RIMS4: variants seen among roughly 807,000 people sequenced by gnomAD.
RIMS4 encodes regulating synaptic membrane exocytosis 4, also known as regulating synaptic membrane exocytosis protein 4.
RIMS4 carries 9 observed loss-of-function variants against 29.0 expected under a neutral mutation model. The ratio of observed to expected loss-of-function variants is 0.31; its 90% CI spans 0.19 to 0.54. RIMS4 has a LOEUF of 0.54. Among genes scored for constraint, RIMS4 ranks in the 20% least tolerant of loss-of-function variants. RIMS4 has a pLI of 0.94. For synonymous variants in RIMS4, 130 were observed against 152.9 expected (o/e 0.85, Z 1.10); for missense variants, 193 against 365.7 (o/e 0.53, Z 3.85).
rs778166180 is a variant in RIMS4, at chr20:44,771,319, G to A, written c.192C>T (p.His64=). The A allele has an allele frequency of 2.4e-5, 39 of 1,613,820 alleles. No individual in the cohort carries two copies. The highest frequency in any genetic ancestry group is 4.5e-5 in the East Asian group (2 of 44,884). ...MPSRTLRQAS[H]ESIEDSMNSY... Reference sequence around the variant, plus strand: ...TGTTCATGCTGTCCTCAATGGACTCGTGGCTGGCCTGGCGCAGTGTCCGGC... The same window carrying A: ...TGTTCATGCTGTCCTCAATGGACTCATGGCTGGCCTGGCGCAGTGTCCGGC... Residue 64 remains histidine, a synonymous_variant, in exon 2 of 6, where the codon CAC becomes CAT. Coordinates refer to ENST00000372851, the MANE Select transcript of RIMS4 (RefSeq NM_182970.4).
At chr20:44,759,284 C>T (rs781037014) in intron 2 of RIMS4, among the ~76,000 whole-genome samples, 3 of 152,004 alleles carry the variant, frequency 2.0e-5, no homozygotes, top group Non-Finnish European at 4.4e-5. Context: ...GAGTTTCCCT[C>T]TGTTGCCCAG....
Position 44,756,400 on chromosome 20 carries a change from C to G in RIMS4, c.592-48G>C, listed in dbSNP as rs80024793. On this transcript the variant is annotated intron_variant, in intron 5 of 5. Transcript: ENST00000372851. This position sits in a 1 kb window ranked among gnomAD's most constrained non-coding sequence, Gnocchi z 5.9. The stretch of plus-strand genomic sequence containing the variant: ...GTTCAAATCCTGCCAGTGCCACTCA[C>G]AGGCCCAGAAGCAGAACCTGGGTCG... 296 of 1,545,108 alleles carry G rather than the reference C, an allele frequency of 1.9e-4. No homozygotes were observed. The African/African-American group carries it at 3.8e-3, about 20-fold the overall frequency.
chr20:44,805,876 T>C (rs1203996869), intron 1 of RIMS4, among the ~76,000 whole-genome samples: 2 of 151,882 alleles, frequency 1.3e-5, no homozygotes, highest in Non-Finnish European at 2.9e-5. Context: ...CGGCAGGATA[T>C]GGGTATCGCC....
At chr20:44,783,006 T>G (rs186983826) in intron 1 of RIMS4, among the ~76,000 whole-genome samples, 30 of 152,312 alleles carry the variant, frequency 2.0e-4, no homozygotes, top group African/African-American at 6.3e-4. Flanking sequence ...ACTGTCACAG[T>G]AAGATACAGG....
chr20:44,783,960 T>G (rs1419329875), intron 1 of RIMS4, among the ~76,000 whole-genome samples: 1 of 152,212 alleles, frequency 6.6e-6, no homozygotes, highest in Non-Finnish European at 1.5e-5. Context: ...TTTAAACTAG[T>G]AAACTGTATG....
At chr20:44,766,099 T>C (rs957353268) in intron 2 of RIMS4, among the ~76,000 whole-genome samples, 1 of 152,084 alleles carries the variant, frequency 6.6e-6, no homozygotes, top group Non-Finnish European at 1.5e-5. Context: ...GACAGGGGAC[T>C]GTGAGAGCTG....
At chr20:44,779,877 A>G (rs1185266864) in intron 1 of RIMS4, among the ~76,000 whole-genome samples, 3 of 152,214 alleles carry the variant, frequency 2.0e-5, no homozygotes, top group African/African-American at 7.2e-5. Flanking sequence ...AGCAGGAAGC[A>G]ATGTTCTGAA....
At chr20:44,796,372 G>T in intron 1 of RIMS4, among the ~76,000 whole-genome samples, 1 of 152,178 alleles carries the variant, frequency 6.6e-6, no homozygotes, top group Non-Finnish European at 1.5e-5. Flanking sequence ...CCAGAACACA[G>T]CTTGGCCATG....
Position 44,756,054 on chromosome 20 carries a change from A to G in RIMS4, c.*80T>C. 3.6e-6 allele frequency: 4 copies of G among 1,123,056 alleles called. No homozygotes were observed. Among genetic ancestry groups the G allele is most frequent in the Non-Finnish European group, 5.2e-6 (4 of 770,616 alleles). The allele number at this position is 1,123,056 out of a possible 1,614,324, so 69.6% of individuals were successfully genotyped here. The stretch of plus-strand genomic sequence containing the variant: ...GGGGAGAGCCCCGTCCTCCTGTTCA[A>G]TGTGCCCCTGGGCCTGGGGTCCCAG... On this transcript the variant is annotated 3_prime_UTR_variant, in exon 6 of 6. Transcript: ENST00000372851. This position sits in a 1 kb window ranked among gnomAD's most constrained non-coding sequence, Gnocchi z 5.9.
chr20:44,770,702 G>T (rs2145453450), intron 2 of RIMS4, among the ~76,000 whole-genome samples: 1 of 152,272 alleles, frequency 6.6e-6, no homozygotes, highest in Non-Finnish European at 1.5e-5. Context: ...CGCTGGCAAG[G>T]AGCCAGCCAC....
At chr20:44,801,208 C>A (rs1290449505) in intron 1 of RIMS4, among the ~76,000 whole-genome samples, 1 of 152,202 alleles carries the variant, frequency 6.6e-6, no homozygotes, top group African/African-American at 2.4e-5. Context: ...AGCCACCCCT[C>A]ACAGAGGGTA....
intron 1 of RIMS4, among the ~76,000 whole-genome samples, chr20:44,789,488 G>T (rs2066223531): frequency 1.3e-5 from 2 of 152,022 alleles, no homozygotes; most frequent in South Asian, 4.1e-4. Context: ...AGTAGAGACA[G>T]GGTTTCACCA....
chr20:44,806,451 G>A (rs1010447727), intron 1 of RIMS4, among the ~76,000 whole-genome samples: 6 of 152,138 alleles, frequency 3.9e-5, no homozygotes, highest in Admixed American at 2.0e-4. Context: ...ACTGGCAGGC[G>A]AGTCTCCCAA....
chr20:44,781,865 C>T (rs1488274192), intron 1 of RIMS4, among the ~76,000 whole-genome samples: 1 of 152,174 alleles, frequency 6.6e-6, no homozygotes, highest in Non-Finnish European at 1.5e-5. Flanking sequence ...CACTGGGAAG[C>T]TACACAATCC....
intron 2 of RIMS4, among the ~76,000 whole-genome samples, chr20:44,760,948 A>C (rs2066082118): frequency 6.6e-6 from 1 of 152,160 alleles, no homozygotes; most frequent in Admixed American, 6.5e-5. Flanking sequence ...CGGCAATACA[A>C]AATAGTGTGA....
chr20:44,777,776 G>T (rs2066166645), intron 1 of RIMS4, among the ~76,000 whole-genome samples: 1 of 152,188 alleles, frequency 6.6e-6, no homozygotes, highest in Admixed American at 6.5e-5. Flanking sequence ...TCCATGACCT[G>T]TTCCAGGTCC....
At chr20:44,766,386 G>A (rs1748295032) in intron 2 of RIMS4, among the ~76,000 whole-genome samples, 1 of 152,198 alleles carries the variant, frequency 6.6e-6, no homozygotes, top group African/African-American at 2.4e-5. Flanking sequence ...GGTAGAGGGT[G>A]CAATGGATGC....
intron 2 of RIMS4, among the ~76,000 whole-genome samples, chr20:44,764,195 C>CATTT (rs2066102162): frequency 1.7e-5 from 1 of 57,182 alleles, no homozygotes; most frequent in African/African-American, 6.3e-5. Flanking sequence ...TCCATTTATC[C>CATTT]ATCCATCCAT....
chr20:44,795,529 G>A (rs2066251191), intron 1 of RIMS4, among the ~76,000 whole-genome samples: 1 of 152,170 alleles, frequency 6.6e-6, no homozygotes, highest in Non-Finnish European at 1.5e-5. Flanking sequence ...CTACTTGGGA[G>A]GCTGAGGCAG....
Sources: gnomAD v4.1 joint callset for allele counts (sites outside exome capture counted in the v4.1 genomes callset) on GRCh38, gnomAD v4.1.1 for gene constraint, Gnocchi (gnomAD v3.1) non-coding constraint, MANE v1.5 for transcripts, NCBI Gene and HGNC (gene_info 2026-07-23, HGNC 2026-07-21) for gene names.